Variants in PCGF3 observed in about 807,000 individuals in gnomAD.
PCGF3 encodes polycomb group ring finger 3, also known as polycomb group RING finger protein 3.
A neutral mutation model predicts 33.1 loss-of-function variants in PCGF3; 7 were observed. The observed-to-expected ratio is 0.21, with a 90% CI of 0.12 to 0.40. The LOEUF (loss-of-function observed/expected upper bound fraction) is 0.40. Ranked by LOEUF, PCGF3 falls within the 10% of genes least tolerant of loss-of-function variation. PCGF3 has a pLI of 1.00. For missense variants in PCGF3, 211 were observed against 313.3 expected, an observed-to-expected ratio of 0.67 and a Z score of 2.46; for synonymous variants, 153 against 121.3, an observed-to-expected ratio of 1.26 and a Z score of -1.72.
intron 1 of PCGF3, chr4:722,516 G>T: frequency 3.2e-6 from 1 of 312,768 alleles, no homozygotes; most frequent in Non-Finnish European, 6.1e-6. Flanking sequence ...TCCGCGCCGG[G>T]TCCACACTCA....
At chr4:706,717 T>C (rs1274258386) in intron 1 of PCGF3, among the ~76,000 whole-genome samples, 1 of 79,850 alleles carries the variant, frequency 1.3e-5, no homozygotes, top group African/African-American at 5.1e-5. Context: ...GGCAGGACCC[T>C]GGGAAGGTCG....
At chr4:714,897 A>G (rs1345508315) in intron 1 of PCGF3, among the ~76,000 whole-genome samples, 2 of 152,262 alleles carry the variant, frequency 1.3e-5, no homozygotes, top group Admixed American at 1.3e-4. Context: ...TCAGTAACAG[A>G]ACTGGGCGTC....
At chr4:750,085 G>A (rs944274657) in intron 8 of PCGF3, among the ~76,000 whole-genome samples, 15 of 152,216 alleles carry the variant, frequency 9.9e-5, no homozygotes, top group African/African-American at 3.1e-4. Flanking sequence ...GATTCCAGGC[G>A]TGAGCCCACG....
chr4:762,146 C>T (rs1440084627), intron 9 of PCGF3: 1 of 920,036 alleles, frequency 1.1e-6, no homozygotes, highest in Non-Finnish European at 1.3e-6. Context: ...ATCCTAACCC[C>T]CAGAGCCTGC....
At chr4:734,391 A>G (rs1743746700) in intron 4 of PCGF3, 2 of 1,389,766 alleles carry the variant, frequency 1.4e-6, no homozygotes, top group Non-Finnish European at 1.9e-6. Context: ...TTTAAACAGG[A>G]TCTTTAAAAT....
At chr4:751,347 T>C (rs1347389093) in intron 8 of PCGF3, among the ~76,000 whole-genome samples, 1 of 152,254 alleles carries the variant, frequency 6.6e-6, no homozygotes, top group Admixed American at 6.5e-5. Flanking sequence ...TACTGAAGTT[T>C]TGATGCGACG....
chr4:741,487 A>G (rs1194023199), intron 6 of PCGF3, among the ~76,000 whole-genome samples: 2 of 151,934 alleles, frequency 1.3e-5, no homozygotes, highest in East Asian at 1.9e-4. Flanking sequence ...GCTCACTGCA[A>G]CCTCCGCCTC....
intron 1 of PCGF3, among the ~76,000 whole-genome samples, chr4:730,042 C>T (rs1243100490): frequency 1.3e-5 from 2 of 151,942 alleles, no homozygotes; most frequent in African/African-American, 2.4e-5. Flanking sequence ...CCTCCCCTGC[C>T]CCTCCCTCCC....
In PCGF3 at chr4:707,871, A is replaced by C. The variant is rs190688947; in HGVS notation, c.-190+1901A>C. On this transcript the variant is annotated intron_variant, in intron 1 of 10. Transcript: ENST00000362003. ...GGGACCCTGGGACAGCCCTGTTTTCACCTGGGGGTCGGGACCCTGAGACAG... is the reference window on the plus strand; with the variant it reads ...GGGACCCTGGGACAGCCCTGTTTTCCCCTGGGGGTCGGGACCCTGAGACAG... 2.6e-3 allele frequency among the ~76,000 whole-genome samples: 139 copies of C among 53,160 alleles called. 2 individuals carry two copies. The highest frequency in any genetic ancestry group is 4.5e-3 in the South Asian group (5 of 1,114). The allele number at this position is 53,160 out of a possible 152,430, so 34.9% of individuals were successfully genotyped here.
chr4:727,294 T>C (rs1431162998), intron 1 of PCGF3, among the ~76,000 whole-genome samples: 1 of 135,260 alleles, frequency 7.4e-6, no homozygotes, highest in Non-Finnish European at 1.5e-5. Context: ...CAGGCTGGAG[T>C]GCAAGGCGCG....
intron 8 of PCGF3, among the ~76,000 whole-genome samples, chr4:751,883 G>T (rs1050756806): frequency 1.3e-5 from 2 of 152,156 alleles, no homozygotes; most frequent in African/African-American, 2.4e-5. Flanking sequence ...TCTGACGGGC[G>T]CAGGCCCCCT....
In PCGF3 at chr4:768,596, C is replaced by T. The variant is rs146544863; in HGVS notation, c.*2517C>T. On this transcript the variant is annotated 3_prime_UTR_variant, in exon 11 of 11. Coordinates refer to ENST00000362003, the Ensembl canonical transcript of PCGF3. ...TTCAACAGCAGTGGGGCTAATTACC[C>T]GGAATACGGTCTCACCGATGCAGTT... The T allele has an allele frequency of 1.5e-3, 226 of 152,078 alleles. 3 individuals carry two copies. The highest frequency in any genetic ancestry group is 6.0e-3 in the East Asian group (31 of 5,186). The allele number at this position is 152,078 out of a possible 1,614,324, so 9.4% of individuals were successfully genotyped here.
At chr4:716,151 C>G (rs1742824598) in intron 1 of PCGF3, among the ~76,000 whole-genome samples, 1 of 119,340 alleles carries the variant, frequency 8.4e-6, no homozygotes, top group Admixed American at 8.3e-5. Flanking sequence ...ACCCTGTAGA[C>G]ACTGAGTGTG....
In PCGF3 at chr4:732,648, G is replaced by T. The variant is rs553854454; in HGVS notation, c.-9-1024G>T. 3.3e-5 allele frequency: 5 copies of T among 152,338 alleles called. No homozygotes were observed. In the East Asian group the frequency reaches 9.7e-4, roughly 30 times the overall value. The allele number at this position is 152,338 out of a possible 1,614,324, so 9.4% of individuals were successfully genotyped here. The stretch of plus-strand genomic sequence containing the variant: ...CCGCGCCTGCAGCAGGCGATGTGGG[G>T]CTCAGCAGAGAGCTCCAGGCTGGGC... On this transcript the variant is annotated intron_variant, in intron 3 of 10. Coordinates refer to ENST00000362003, the Ensembl canonical transcript of PCGF3.
rs569370449 is a variant in PCGF3 at position 764,277 on chromosome 4, A to G, written c.601-707A>G. ...CTCTCAATTTTGCTGTAAACCTTAA[A>G]TTGTTCTTTAAAAAGTCTAATTTTT... is the stretch of plus-strand genomic sequence containing the variant. On this transcript the variant is annotated intron_variant, in intron 9 of 10. Transcript: ENST00000362003. Among the ~76,000 whole-genome samples the G allele has an allele frequency of 3.0e-4, 45 of 152,296 alleles. 1 individual carries two copies. In the South Asian group the frequency reaches 3.1e-3, roughly 11 times the overall value.
At chr4:760,497 C>T (rs1744989939) in intron 8 of PCGF3, among the ~76,000 whole-genome samples, 1 of 152,176 alleles carries the variant, frequency 6.6e-6, no homozygotes, top group African/African-American at 2.4e-5. Context: ...ACCTTCAATA[C>T]TTGCCCGTCT....
chr4:766,122 G>T, exon 11 of PCGF3: 1 of 1,570,896 alleles, frequency 6.4e-7, no homozygotes, highest in Non-Finnish European at 8.8e-7. Flanking sequence ...TCGCACCCTT[G>T]GGTGCTCCCG....
chr4:709,261 G>C (rs1742462383), intron 1 of PCGF3, among the ~76,000 whole-genome samples: 1 of 152,100 alleles, frequency 6.6e-6, no homozygotes, highest in South Asian at 2.1e-4. Flanking sequence ...TGAATGAAAG[G>C]CAAGAGTGAA....
chr4:744,295 C>T (rs575513563), intron 7 of PCGF3, among the ~76,000 whole-genome samples: 3 of 152,356 alleles, frequency 2.0e-5, no homozygotes, highest in African/African-American at 7.2e-5. Context: ...TGAGCAGCTC[C>T]GGGCGGGCCT....
Sources: gnomAD v4.1 joint callset for allele counts (sites outside exome capture counted in the v4.1 genomes callset) on GRCh38, gnomAD v4.1.1 for gene constraint, MANE v1.5 for transcripts, NCBI Gene and HGNC (gene_info 2026-07-23, HGNC 2026-07-21) for gene names.